Variants in SUGCT observed in about 807,000 individuals in gnomAD.
SUGCT encodes succinyl-CoA:glutarate CoA-transferase.
SUGCT carries 41 observed loss-of-function variants against 55.0 expected under a neutral mutation model. The observed-to-expected ratio is 0.74, with a 90% CI of 0.58 to 0.97. SUGCT has a LOEUF of 0.97. SUGCT is among the 50% of genes least tolerant of loss of function. SUGCT has a pLI of 0.00. For missense variants in SUGCT, 568 were observed against 547.8 expected (o/e 1.04, Z -0.37); for synonymous variants, 187 against 200.4 (o/e 0.93, Z 0.56).
At chr7:40,221,530 G>C (rs1168118547) in intron 6 of SUGCT, among the ~76,000 whole-genome samples, 1 of 130,910 alleles carries the variant, frequency 7.6e-6, no homozygotes, top group African/African-American at 2.9e-5. Context: ...TCACTCTGTC[G>C]CCCAGGCTGG....
intron 9 of SUGCT, among the ~76,000 whole-genome samples, chr7:40,407,683 G>T (rs1249406474): frequency 6.6e-6 from 1 of 152,056 alleles, no homozygotes; most frequent in African/African-American, 2.4e-5. Context: ...GGATTTGGCA[G>T]ATCTGAGCTT....
intron 6 of SUGCT, among the ~76,000 whole-genome samples, chr7:40,236,201 G>A (rs984139120): frequency 6.6e-6 from 1 of 151,970 alleles, no homozygotes. Flanking sequence ...GGGATTACAG[G>A]CGCCTACCAC....
At chr7:40,241,403 A>G (rs1249992874) in intron 7 of SUGCT, among the ~76,000 whole-genome samples, 1 of 151,542 alleles carries the variant, frequency 6.6e-6, no homozygotes, top group East Asian at 2.0e-4. Context: ...ACATGGTGAA[A>G]CCCCGTCTCT....
At chr7:40,287,352 T>C (rs1199187138) in intron 8 of SUGCT, among the ~76,000 whole-genome samples, 2 of 152,184 alleles carry the variant, frequency 1.3e-5, no homozygotes, top group African/African-American at 4.8e-5. Context: ...TTTCTTTTTC[T>C]TGCCTAATTG....
chr7:40,747,466 C>T (rs999281842), intron 12 of SUGCT, among the ~76,000 whole-genome samples: 1 of 152,188 alleles, frequency 6.6e-6, no homozygotes, highest in African/African-American at 2.4e-5. Flanking sequence ...ATTCCATGCT[C>T]TTTTGCTCTG....
chr7:40,971,943 G>A, the SUGCT span, among the ~76,000 whole-genome samples: 5 of 151,922 alleles, frequency 3.3e-5, no homozygotes, highest in Admixed American at 1.3e-4. Context: ...TGTTTACACT[G>A]AGAAATAAGA....
chr7:40,166,940 G>C (rs1784452834), intron 1 of SUGCT, among the ~76,000 whole-genome samples: 1 of 151,604 alleles, frequency 6.6e-6, no homozygotes, highest in Non-Finnish European at 1.5e-5. Flanking sequence ...GGAACATATG[G>C]AACTCTTATA....
At chr7:40,164,507 TG>T (rs1784330736) in intron 1 of SUGCT, among the ~76,000 whole-genome samples, 1 of 152,234 alleles carries the variant, frequency 6.6e-6, no homozygotes, top group Admixed American at 6.5e-5. Flanking sequence ...GTTGTGTCTC[TG>T]TATTTACTTT....
chr7:41,023,443 C>A, the SUGCT span, among the ~76,000 whole-genome samples: 1 of 151,276 alleles, frequency 6.6e-6, no homozygotes, highest in Non-Finnish European at 1.5e-5. Flanking sequence ...ACCTTCAGGA[C>A]AATACAAATT....
At chr7:40,481,577 T>C (rs1428274702) in intron 11 of SUGCT, among the ~76,000 whole-genome samples, 1 of 151,754 alleles carries the variant, frequency 6.6e-6, no homozygotes, top group Non-Finnish European at 1.5e-5. Flanking sequence ...ACGTACTTAA[T>C]ATAAAAATCA....
the SUGCT span, among the ~76,000 whole-genome samples, chr7:40,954,751 T>C: frequency 6.6e-6 from 1 of 152,216 alleles, no homozygotes; most frequent in Admixed American, 6.5e-5. Context: ...GGTTTTCTTC[T>C]AGGGTTTTTA....
chr7:40,619,450 C>T (rs1360686034), intron 12 of SUGCT, among the ~76,000 whole-genome samples: 1 of 151,992 alleles, frequency 6.6e-6, no homozygotes, highest in Admixed American at 6.6e-5. Flanking sequence ...TTTTTTCCTT[C>T]ATCTAGAGTA....
the SUGCT span, among the ~76,000 whole-genome samples, chr7:40,876,850 G>A: frequency 3.3e-5 from 5 of 152,176 alleles, no homozygotes; most frequent in Non-Finnish European, 7.4e-5. Context: ...AACAGACACT[G>A]GTTGTGCAGC....
At chr7:40,618,247 T>C (rs1261479675) in intron 12 of SUGCT, among the ~76,000 whole-genome samples, 2 of 152,218 alleles carry the variant, frequency 1.3e-5, no homozygotes, top group Non-Finnish European at 2.9e-5. Context: ...CTAGTCTTGC[T>C]CTACCCACCG....
chr7:40,552,143 T>C (rs149720708), intron 12 of SUGCT, among the ~76,000 whole-genome samples: 207 of 152,316 alleles, frequency 1.4e-3, no homozygotes, highest in African/African-American at 4.8e-3. Flanking sequence ...TCTGTTTCCA[T>C]GTGAGTACAC....
intron 13 of SUGCT, among the ~76,000 whole-genome samples, chr7:40,758,167 G>A (rs1788353010): frequency 6.6e-6 from 1 of 151,994 alleles, no homozygotes; most frequent in African/African-American, 2.4e-5. Context: ...TTCATGGTTG[G>A]ACAGGGAGTC....
the SUGCT span, among the ~76,000 whole-genome samples, chr7:41,016,428 T>C: frequency 1.4e-4 from 22 of 152,178 alleles, no homozygotes; most frequent in Non-Finnish European, 2.5e-4. Flanking sequence ...CCAGAACCCA[T>C]AGATTCCTGT....
intron 1 of SUGCT, among the ~76,000 whole-genome samples, chr7:40,172,685 C>A (rs1236602822): frequency 6.6e-6 from 1 of 152,114 alleles, no homozygotes; most frequent in Non-Finnish European, 1.5e-5. Flanking sequence ...TGATCTCGAC[C>A]GGCCAATGCT....
the SUGCT span, among the ~76,000 whole-genome samples, chr7:40,999,967 T>G: frequency 2.6e-5 from 4 of 152,304 alleles, no homozygotes; most frequent in Middle Eastern, 3.4e-3. Context: ...CCAAGCACAG[T>G]GCTTCATGGG....
Sources: gnomAD v4.1 joint callset for allele counts (sites outside exome capture counted in the v4.1 genomes callset) on GRCh38, gnomAD v4.1.1 for gene constraint, MANE v1.5 for transcripts, NCBI Gene and HGNC (gene_info 2026-07-23, HGNC 2026-07-21) for gene names.